The following ARR3 variants were observed in gnomAD, a reference collection of about 807,000 sequenced individuals.
ARR3 encodes arrestin-C.
Under a neutral mutation model 35.4 loss-of-function variants are expected in ARR3, and 14 were observed. That is an observed-to-expected ratio of 0.40 (90% CI 0.26 to 0.62). The LOEUF is 0.62. Among genes scored for constraint, ARR3 ranks in the 20% least tolerant of loss-of-function variants. The probability of loss-of-function intolerance (pLI) is 0.46; values close to 1 mark genes in which losing one functional copy is unlikely to be tolerated. For synonymous variants in ARR3, 97 were observed against 119.1 expected, an observed-to-expected ratio of 0.81 and a Z score of 1.21; for missense variants, 259 against 303.8, an observed-to-expected ratio of 0.85 and a Z score of 1.10.
At chrX:70,280,745 T>C in intron 14 of ARR3, 21 bp from the exon 15 acceptor site, 1 of 1,211,000 alleles carries the variant, frequency 8.3e-7, no homozygotes. Context: ...GAGATGTAAC[T>C]CCACCTTGGG....
chrX:70,280,452 A>G lies in ARR3; in HGVS notation c.990-107A>G, dbSNP rs1307821329. On this transcript the variant is annotated intron_variant, in intron 13 of 16. Transcript: ENST00000307959. ...AAGTCACTTTCCCTTCCAGAAACCC[A>G]TTCTGTGGCTGGCTCATTAGGTCTT... The G allele has an allele frequency of 5.9e-6, 6 of 1,019,533 alleles. No individual in the cohort carries two copies. In the East Asian group the frequency reaches 1.8e-4, roughly 31 times the overall value. 84.0% of individuals were successfully genotyped at this position (1,019,533 alleles called of 1,213,427 possible).
intron 16 of ARR3, 137 bp downstream of exon 16, chrX:70,281,245 G>A (rs1207599494): frequency 1.3e-6 from 1 of 788,032 alleles, no homozygotes; most frequent in Admixed American, 2.9e-5. Context: ...GCTTAGCTTC[G>A]TGTCACAGTT....
At chrX:70,281,222 G>A in intron 16 of ARR3, 114 bp downstream of exon 16, 1 of 952,176 alleles carries the variant, frequency 1.1e-6, no homozygotes, top group South Asian at 2.2e-5. Flanking sequence ...TACATGTGCA[G>A]TGGAAACATA....
intron 5 of ARR3, among the ~76,000 whole-genome samples, chrX:70,275,705 T>C (rs1053905170): frequency 2.1e-5 from 2 of 95,230 alleles, no homozygotes; most frequent in Non-Finnish European, 4.2e-5. Flanking sequence ...AGTCTTGCTC[T>C]GTTGCCCAGG....
chrX:70,281,011 G>GT, intron 15 of ARR3, 88 bp from the exon 16 acceptor site: 2 of 918,784 alleles, frequency 2.2e-6, no homozygotes, highest in East Asian at 7.8e-5. Flanking sequence ...TTGGGGGGGG[G>GT]GGAAGTAAAG....
intron 5 of ARR3, among the ~76,000 whole-genome samples, chrX:70,274,258 G>A (rs1407203087): frequency 4.8e-5 from 5 of 103,832 alleles, no homozygotes; most frequent in Admixed American, 1.0e-4. Context: ...CTGGAGGGCA[G>A]TGGTGCAATC....
At position 70,276,418 on chromosome X, in the gene ARR3, C is replaced by T; in HGVS notation, c.346-15C>T. 8.3e-7 allele frequency: 1 copy of T among 1,209,447 alleles called. No homozygotes were observed. The highest frequency in any genetic ancestry group is 1.1e-6 in the Non-Finnish European group (1 of 893,377). On this transcript the variant is annotated splice_polypyrimidine_tract_variant and intron_variant, in intron 6 of 16. Coordinates refer to ENST00000307959, the MANE Select transcript of ARR3 (RefSeq NM_004312.3). ...TCTTTTCTACTTCTTTTCTGATCTC[C>T]TTTTTGTCCCCTAGATGGTGACCAA...
At position 70,269,298 on chromosome X, in the gene ARR3, G is replaced by A. The variant is rs1046781818; in HGVS notation, c.-30-58G>A. 6 of 1,149,165 alleles carry A rather than the reference G, an allele frequency of 5.2e-6. No homozygotes were observed. The African/African-American group carries it at 1.1e-4, about 21-fold the overall frequency. 94.7% of individuals were successfully genotyped at this position (1,149,165 alleles called of 1,213,427 possible). A position where few individuals can be genotyped will look rare whatever the true frequency, so the allele number is the denominator to read the frequency against. The stretch of plus-strand genomic sequence containing the variant: ...AGGTGTATATGGATGGTATGCTGGA[G>A]TGGGGTGAGAAGAATAGAAATGAAA... On this transcript the variant is annotated intron_variant, in intron 1 of 16. Transcript: ENST00000307959.
At position 70,278,565 on chromosome X, in the gene ARR3, G is replaced by A. The variant is rs1465567983; in HGVS notation, c.829G>A (p.Ala277Thr). ...CTTTGCAGTAACCCCAATCCTGGCT[G>A]CCAGCTGCCAGAAACGGGGCCTGGC... Reference protein sequence around the residue: ...QSFAVTPILAASCQKRGLALD... With the variant: ...QSFAVTPILATSCQKRGLALD... The change falls in exon 12 of 17, where the codon GCC becomes ACC. Residue 277 changes from alanine to threonine, a missense_variant. Physicochemically the swap from Ala to Thr is moderately conservative, Grantham distance 58. Coordinates refer to ENST00000307959, the MANE Select transcript of ARR3 (RefSeq NM_004312.3). The A allele has an allele frequency of 1.7e-6, 2 of 1,211,601 alleles. No individual in the cohort carries two copies. Among genetic ancestry groups the A allele is most frequent in the Middle Eastern group, 2.3e-4 (1 of 4,352 alleles).
rs758684137 is a variant in ARR3, at chrX:70,277,439, G to A, written c.519G>A (p.Pro173=). 9.1e-6 allele frequency: 11 copies of A among 1,210,009 alleles called. No individual in the cohort carries two copies. The East Asian group carries it at 1.8e-4, about 20-fold the overall frequency. ...LVVRKVQFAP[P]EAGPGPSAQT... The stretch of plus-strand genomic sequence containing the variant: ...TCCGGAAAGTACAATTTGCACCACC[G>A]GAGGCAGGCCCTGGCCCCTCAGCCC... Residue 173 remains proline (P), a synonymous_variant, in exon 9 of 17, where the codon CCG becomes CCA. Transcript: ENST00000307959.
At chrX:70,281,575 G>C in intron 16 of ARR3, 101 bp from the exon 17 acceptor site, 1 of 694,492 alleles carries the variant, frequency 1.4e-6, no homozygotes, top group Non-Finnish European at 2.2e-6. Flanking sequence ...CTGGGAAGCA[G>C]GGAGGGGATC....
rs768914182 is a variant in ARR3 at position 70,276,489 on chromosome X, A to G, written c.402A>G (p.Gly134=). 22 of 1,209,585 alleles carry G rather than the reference A, an allele frequency of 1.8e-5. No individual in the cohort carries two copies. Among genetic ancestry groups the G allele is most frequent in the Middle Eastern group, 2.3e-4 (1 of 4,375 alleles). ...TGCAGCCAGGTCCTGAAGATGCAGG[A>G]AAGGTGAGGACTGGGTTCTAAGAAA... The part of the protein sequence containing the change: ...VTLQPGPEDA[G]KPCGIDFEVK... The change falls in exon 7 of 17, where the codon GGA becomes GGG. Residue 134 remains glycine, a synonymous_variant. Coordinates refer to ENST00000307959, the MANE Select transcript of ARR3 (RefSeq NM_004312.3).
Position 70,276,785 on chromosome X carries a change from A to G in ARR3, c.473+49A>G, listed in dbSNP as rs771530046. 14 of 1,095,747 alleles carry G rather than the reference A, an allele frequency of 1.3e-5. No homozygotes were observed. The Admixed American group carries it at 3.1e-4, about 25-fold the overall frequency. 90.3% of individuals were successfully genotyped at this position (1,095,747 alleles called of 1,213,427 possible). A position where few individuals can be genotyped will look rare whatever the true frequency, so the allele number is the denominator to read the frequency against. ...ATCCCTGCCTCCAGCCTCTGCCAGG[A>G]AACAGATCCTGCTCTCATGACAGAA... On this transcript the variant is annotated intron_variant, in intron 8 of 16. Transcript: ENST00000307959.
At chrX:70,281,553 C>T (rs933152283) in intron 16 of ARR3, 123 bp from the exon 17 acceptor site, 21 of 574,483 alleles carry the variant, frequency 3.7e-5, no homozygotes, top group Non-Finnish European at 4.9e-5. Context: ...AAGAGGGGGC[C>T]GAGGAGCCTA....
chrX:70,278,407 A>G (rs1026530905), intron 11 of ARR3, 97 bp from the exon 12 acceptor site: 2 of 1,010,944 alleles, frequency 2.0e-6, no homozygotes, highest in Non-Finnish European at 2.7e-6. Context: ...ATACTCCAGT[A>G]GGTTCTTGTA....
Position 70,269,610 on chromosome X carries a change from C to T in ARR3, c.9-52C>T, listed in dbSNP as rs776645594. On this transcript the variant is annotated intron_variant, in intron 2 of 16. Coordinates refer to ENST00000307959, the MANE Select transcript of ARR3 (RefSeq NM_004312.3). ...CTCCCCAATTCCCTTATTTCCTCTTCCCTGCACTTCCAATCCCCCTCTCCA... is the reference window on the plus strand; with the variant it reads ...CTCCCCAATTCCCTTATTTCCTCTTTCCTGCACTTCCAATCCCCCTCTCCA... 1.7e-6 allele frequency: 2 copies of T among 1,166,808 alleles called. 1 individual carries two copies. The highest frequency in any genetic ancestry group is 4.5e-5 in the Admixed American group (2 of 44,302).
At chrX:70,278,783 C>G in intron 12 of ARR3, 142 bp downstream of exon 12, 1 of 824,385 alleles carries the variant, frequency 1.2e-6, no homozygotes, top group Middle Eastern at 4.3e-4. Context: ...GAGACTCCTC[C>G]AGGCCTAAAG....
intron 12 of ARR3, among the ~76,000 whole-genome samples, chrX:70,279,972 A>T (rs899874516): frequency 9.0e-6 from 1 of 111,701 alleles, no homozygotes; most frequent in Non-Finnish European, 1.9e-5. Context: ...TAGTTGTTAT[A>T]TTCAAAAGGT....
chrX:70,280,759 C>T lies in ARR3; in HGVS notation c.1014-7C>T. 2.5e-6 allele frequency: 3 copies of T among 1,211,308 alleles called. No homozygotes were observed. Among genetic ancestry groups the T allele is most frequent in the Non-Finnish European group, 2.2e-6 (2 of 895,336 alleles). On this transcript the variant is annotated splice_polypyrimidine_tract_variant and splice_region_variant and intron_variant, in intron 14 of 16. Coordinates refer to ENST00000307959, the MANE Select transcript of ARR3 (RefSeq NM_004312.3). ...GGAGATGTAACTCCACCTTGGGATC[C>T]TTGCAGCGATGTTGGTGTGGAGCTA... is the stretch of plus-strand genomic sequence containing the variant.
Sources: allele counts gnomAD v4.1 joint callset (sites outside exome capture counted in the v4.1 genomes callset), GRCh38; gene constraint gnomAD v4.1.1; transcripts MANE v1.5; gene names NCBI Gene and HGNC (gene_info 2026-07-23, HGNC 2026-07-21).